COIL: variants seen among roughly 807,000 people sequenced by gnomAD.
COIL encodes coilin.
A neutral mutation model predicts 51.6 loss-of-function variants in COIL; 28 were observed. The ratio of observed to expected loss-of-function variants is 0.54; its 90% CI spans 0.40 to 0.74. The LOEUF is 0.74. Among genes scored for constraint, COIL ranks in the 30% least tolerant of loss-of-function variants. The pLI, the probability that COIL is intolerant of heterozygous loss-of-function variation, is 0.00. For missense variants in COIL, 667 were observed against 685.9 expected (o/e 0.97, Z 0.31); for synonymous variants, 233 against 255.8 (o/e 0.91, Z 0.85).
chr17:56,949,604 T>G (rs1910315675), intron 3 of COIL, 77 bp downstream of exon 3: 3 of 1,457,358 alleles, frequency 2.1e-6, no homozygotes, highest in African/African-American at 2.8e-5. Context: ...ACAAACACAT[T>G]TAACCTGATT....
intron 1 of COIL, among the ~76,000 whole-genome samples, chr17:56,954,559 C>T (rs1485525353): frequency 6.7e-6 from 1 of 150,038 alleles, no homozygotes; most frequent in Non-Finnish European, 1.5e-5. Flanking sequence ...GACTCTGTCT[C>T]CAAAAAATAA....
chr17:56,956,011 T>C (rs1390942942), intron 1 of COIL, among the ~76,000 whole-genome samples: 1 of 152,122 alleles, frequency 6.6e-6, no homozygotes, highest in Non-Finnish European at 1.5e-5. Context: ...AAAAGCAAGG[T>C]GCAGAACAGT....
intron 6 of COIL, among the ~76,000 whole-genome samples, chr17:56,940,852 C>T (rs1949157874): frequency 6.6e-6 from 1 of 152,028 alleles, no homozygotes; most frequent in South Asian, 2.1e-4. Flanking sequence ...AGGTATAAAT[C>T]GGCCGGGCGC....
At chr17:56,960,655 GTCCCCT>G in intron 1 of COIL, 114 bp downstream of exon 1, 1 of 94,752 alleles carries the variant, frequency 1.1e-5, no homozygotes, top group Non-Finnish European at 1.7e-5. Flanking sequence ...TCCAACCCTC[GTCCCCT>G]TCCCCATCCC....
At position 56,942,032 on chromosome 17, in the gene COIL, T is replaced by C. The variant is rs746550619; in HGVS notation, c.1647+3A>G. ...AGCAACGCAAGAAGAGAAGCACACCTACCTTGCTCTCCTGTGTCACAGCGT... is the reference window on the plus strand; with the variant it reads ...AGCAACGCAAGAAGAGAAGCACACCCACCTTGCTCTCCTGTGTCACAGCGT... On this transcript the variant is annotated splice_donor_region_variant and intron_variant, in intron 6 of 6. Transcript: ENST00000240316. 2.7e-5 allele frequency: 44 copies of C among 1,611,772 alleles called. No homozygotes were observed. The highest frequency in any genetic ancestry group is 2.3e-4 in the Admixed American group (14 of 60,024).
chr17:56,958,014 T>C (rs1304993455), intron 1 of COIL, among the ~76,000 whole-genome samples: 2 of 152,244 alleles, frequency 1.3e-5, no homozygotes, highest in Non-Finnish European at 2.9e-5. Flanking sequence ...TTTTCCTCAT[T>C]AGCCTTCTCA....
rs184447279 is a variant in COIL, at chr17:56,950,442, T to A, written c.800A>T (p.Glu267Val). ...ISDGPSKVTLEARNSSEKLPT... is the reference protein window; with the variant it reads ...ISDGPSKVTLVARNSSEKLPT... ...TAATTTCTCTGAGGAATTTCTGGCC[T>A]CCAAAGTGACTTTGCTGGGACCATC... Residue 267 changes from glutamate to valine, a missense_variant, in exon 2 of 7, where the codon GAG becomes GTG. Transcript: ENST00000240316. 4.7e-5 allele frequency: 76 copies of A among 1,614,212 alleles called. No homozygotes were observed. In the African/African-American group the frequency reaches 8.1e-4, roughly 17 times the overall value.
intron 1 of COIL, among the ~76,000 whole-genome samples, chr17:56,957,372 C>G (rs1910503748): frequency 6.6e-6 from 1 of 152,064 alleles, no homozygotes; most frequent in South Asian, 2.1e-4. Flanking sequence ...GTAATCCCAG[C>G]ACTTTGGGAA....
rs971684252 is a variant in COIL at position 56,946,481 on chromosome 17, T to A, written c.1519A>T (p.Thr507Ser). 6.2e-7 allele frequency: 1 copy of A among 1,611,714 alleles called. No homozygotes were observed. The highest frequency in any genetic ancestry group is 8.5e-7 in the Non-Finnish European group (1 of 1,178,258). Residue 507 changes from threonine to serine, a missense_variant, in exon 5 of 7, where the codon ACC becomes TCC. By Grantham distance (58) the Thr-to-Ser change is moderately conservative (BLOSUM62 1). Transcript: ENST00000240316. Reference protein sequence around the residue: ...EGRILSHNPETQQVDIEILSS... With the variant: ...EGRILSHNPESQQVDIEILSS... ...AGAATTTCTATATCTACTTGCTGGG[T>A]CTCTGGATTGTGGCTTAATATTCTT... is the stretch of plus-strand genomic sequence containing the variant.
intron 1 of COIL, 74 bp downstream of exon 1, chr17:56,960,701 T>C (rs9899845): frequency 0.73 from 784,797 of 1,070,648 alleles, 287,547 homozygotes; most frequent in East Asian, 0.98. Flanking sequence ...GTCTAGCGGC[T>C]TCAGGCCCGG....
Position 56,950,354 on chromosome 17 carries a change from T to C in COIL, c.888A>G (p.Ile296Met), listed in dbSNP as rs1777393583. The C allele has an allele frequency of 1.2e-6, 2 of 1,614,228 alleles. No homozygotes were observed. The highest frequency in any genetic ancestry group is 8.5e-7 in the Non-Finnish European group (1 of 1,180,046). The change falls in exon 2 of 7, where the codon ATA becomes ATG. Residue 296 changes from isoleucine (I) to methionine (M), a missense_variant. Coordinates refer to ENST00000240316, the MANE Select transcript of COIL (RefSeq NM_004645.3). ...TKNTTADKLA[I>M]KLGFSLTPSK... ...TGGGGGTAAGGCTAAAGCCAAGTTTTATAGCCAGTTTGTCTGCAGTTGTAT... is the reference window on the plus strand; with the variant it reads ...TGGGGGTAAGGCTAAAGCCAAGTTTCATAGCCAGTTTGTCTGCAGTTGTAT...
At chr17:56,956,637 G>A (rs1910489672) in intron 1 of COIL, among the ~76,000 whole-genome samples, 1 of 151,960 alleles carries the variant, frequency 6.6e-6, no homozygotes, top group Non-Finnish European at 1.5e-5. Flanking sequence ...TGTCGCCCAG[G>A]CTGCAGCGCA....
chr17:56,949,559 G>C (rs1427976109), intron 3 of COIL, 122 bp downstream of exon 3: 1 of 1,344,960 alleles, frequency 7.4e-7, no homozygotes, highest in Admixed American at 1.8e-5. Context: ...CCAGGAACCC[G>C]TAACAACACT....
intron 1 of COIL, 46 bp downstream of exon 1, chr17:56,960,729 C>T (rs1262118471): frequency 1.4e-6 from 2 of 1,447,000 alleles, no homozygotes; most frequent in East Asian, 2.5e-5. Flanking sequence ...CAGGCGCGTC[C>T]CCCGCCCGCC....
intron 1 of COIL, among the ~76,000 whole-genome samples, chr17:56,952,791 T>TTGTGTG (rs145341247): frequency 4.0e-5 from 6 of 148,918 alleles, no homozygotes; most frequent in East Asian, 2.0e-4. Context: ...GAGTGAGTAT[T>TTGTGTG]TGTGTGTGTG....
In COIL at chr17:56,949,703, A is replaced by G. The variant is rs1472177646; in HGVS notation, c.1418T>C (p.Val473Ala). The G allele has an allele frequency of 6.2e-7, 1 of 1,613,944 alleles. No individual in the cohort carries two copies. The highest frequency in any genetic ancestry group is 1.3e-5 in the African/African-American group (1 of 74,920). The change falls in exon 3 of 7, where the codon GTT becomes GCT. Residue 473 changes from valine to alanine, a missense_variant. Coordinates refer to ENST00000240316, the MANE Select transcript of COIL (RefSeq NM_004645.3). Reference sequence around the variant, plus strand: ...TACCTTAAATGCAATCTTTTCTCCAACTTGAGGGGCAGCTGCTAACAGTGG... The same window carrying G: ...TACCTTAAATGCAATCTTTTCTCCAGCTTGAGGGGCAGCTGCTAACAGTGG... ...LLPLLAAAPQVGEKIAFKLLE... is the reference protein window; with the variant it reads ...LLPLLAAAPQAGEKIAFKLLE...
chr17:56,944,334 T>C lies in COIL; in HGVS notation c.1558+2108A>G, dbSNP rs551604125. Among the ~76,000 whole-genome samples the C allele has an allele frequency of 9.9e-5, 15 of 152,282 alleles. No homozygotes were observed. In the South Asian group the frequency reaches 3.1e-3, roughly 32 times the overall value. ...CTGGCCAGGCACGGTGGCTCATGCC[T>C]GTAATCCCAGCACTTTGGGAGGCTG... is the stretch of plus-strand genomic sequence containing the variant. On this transcript the variant is annotated intron_variant, in intron 5 of 6. Transcript: ENST00000240316.
intron 5 of COIL, among the ~76,000 whole-genome samples, chr17:56,944,655 C>T (rs1388842420): frequency 6.6e-6 from 1 of 151,988 alleles, no homozygotes. Context: ...ATATCATAAA[C>T]GAACTTTGTT....
At chr17:56,948,565 T>A (rs951361270) in intron 4 of COIL, among the ~76,000 whole-genome samples, 1 of 151,970 alleles carries the variant, frequency 6.6e-6, no homozygotes, top group Non-Finnish European at 1.5e-5. Context: ...AAAATGGTCT[T>A]ACATTCCATA....
Sources: gnomAD v4.1 joint callset for allele counts (sites outside exome capture counted in the v4.1 genomes callset) on GRCh38, gnomAD v4.1.1 for gene constraint, MANE v1.5 for transcripts, NCBI Gene and HGNC (gene_info 2026-07-23, HGNC 2026-07-21) for gene names.